The following EYA1 variants were observed in gnomAD, a reference collection of about 807,000 sequenced individuals.
EYA1 encodes protein phosphatase EYA1.
A neutral mutation model predicts 82.0 loss-of-function variants in EYA1; 16 were observed. The observed-to-expected ratio is 0.20, with a 90% CI of 0.13 to 0.30. The LOEUF (loss-of-function observed/expected upper bound fraction) is 0.30. Among genes scored for constraint, EYA1 ranks in the 10% least tolerant of loss-of-function variants. The pLI is 1.00. For synonymous variants in EYA1, 261 were observed against 264.4 expected (o/e 0.99, Z 0.12); for missense variants, 633 against 730.7 (o/e 0.87, Z 1.54).
chr8:71,353,097 A>G, intron 3 of EYA1, among the ~76,000 whole-genome samples: 1 of 152,222 alleles, frequency 6.6e-6, no homozygotes, highest in East Asian at 1.9e-4. Context: ...TTTTAAGTTA[A>G]TTTGAATGAC....
intron 17 of EYA1, among the ~76,000 whole-genome samples, chr8:71,210,667 G>C (rs1808393929): frequency 6.6e-6 from 1 of 152,242 alleles, no homozygotes; most frequent in African/African-American, 2.4e-5. Context: ...GAGAGAGACA[G>C]GTAGGACCTC....
chr8:71,281,797 G>C (rs753829341), intron 9 of EYA1, among the ~76,000 whole-genome samples: 4 of 152,174 alleles, frequency 2.6e-5, no homozygotes, highest in Non-Finnish European at 5.9e-5. Flanking sequence ...CACCAGTTTT[G>C]CAGCTGGTCC....
intron 7 of EYA1, among the ~76,000 whole-genome samples, chr8:71,308,716 T>TTA (rs1821000274): frequency 1.4e-5 from 2 of 144,294 alleles, no homozygotes; most frequent in Admixed American, 7.1e-5. Context: ...TTTTTTTTTT[T>TTA]AAGAAAAAAA....
At chr8:71,387,257 G>C (rs528599772) in intron 2 of EYA1, among the ~76,000 whole-genome samples, 2 of 152,310 alleles carry the variant, frequency 1.3e-5, no homozygotes, top group East Asian at 3.9e-4. Context: ...ACTCAGGTAA[G>C]CTGGGAATGA....
At chr8:71,228,680 C>T (rs1810845637) in intron 12 of EYA1, among the ~76,000 whole-genome samples, 1 of 152,150 alleles carries the variant, frequency 6.6e-6, no homozygotes, top group Non-Finnish European at 1.5e-5. Context: ...TCGATTCTTT[C>T]ATTCATTTTC....
At chr8:71,527,344 T>A (rs1813895733) in intron 2 of EYA1, among the ~76,000 whole-genome samples, 1 of 152,204 alleles carries the variant, frequency 6.6e-6, no homozygotes, top group Admixed American at 6.5e-5. Context: ...CTTTATTAAC[T>A]TCAGTTATCC....
chr8:71,540,129 T>TA (rs5892287), intron 1 of EYA1, among the ~76,000 whole-genome samples: 110,696 of 151,292 alleles, frequency 0.73, 41,833 homozygotes, highest in East Asian at 0.99. Context: ...GTACATAAAA[T>TA]AAAAAAAAAT....
At chr8:71,351,552 A>G (rs1826307165) in intron 3 of EYA1, among the ~76,000 whole-genome samples, 1 of 152,206 alleles carries the variant, frequency 6.6e-6, no homozygotes, top group African/African-American at 2.4e-5. Context: ...TGAAATATGA[A>G]ACATTCAAAC....
At chr8:71,444,269 A>C (rs1324183654) in intron 2 of EYA1, among the ~76,000 whole-genome samples, 1 of 152,234 alleles carries the variant, frequency 6.6e-6, no homozygotes, top group Non-Finnish European at 1.5e-5. Flanking sequence ...GATAAGTCAG[A>C]ATTGAATCTT....
intron 2 of EYA1, among the ~76,000 whole-genome samples, chr8:71,460,923 T>C (rs1214947356): frequency 6.6e-6 from 1 of 152,200 alleles, no homozygotes; most frequent in Non-Finnish European, 1.5e-5. Flanking sequence ...TTGAAGTCTT[T>C]GGCTAGAAAT....
At chr8:71,533,384 G>A (rs563398460) in intron 2 of EYA1, among the ~76,000 whole-genome samples, 3 of 152,146 alleles carry the variant, frequency 2.0e-5, no homozygotes, top group Non-Finnish European at 4.4e-5. Context: ...TGTTGAAGTG[G>A]GCACAGGGAT....
intron 2 of EYA1, among the ~76,000 whole-genome samples, chr8:71,473,138 A>C (rs1366301796): frequency 6.6e-6 from 1 of 151,942 alleles, no homozygotes; most frequent in Non-Finnish European, 1.5e-5. Context: ...ATTACAATGT[A>C]AATTGATTCA....
At chr8:71,469,647 A>G (rs1456795726) in intron 2 of EYA1, among the ~76,000 whole-genome samples, 1 of 152,070 alleles carries the variant, frequency 6.6e-6, no homozygotes, top group African/African-American at 2.4e-5. Context: ...ATCTTTTAGC[A>G]CATTTGGACT....
At chr8:71,251,628 A>T (rs1225840719) in intron 11 of EYA1, among the ~76,000 whole-genome samples, 2 of 152,218 alleles carry the variant, frequency 1.3e-5, no homozygotes, top group Non-Finnish European at 2.9e-5. Flanking sequence ...AATAATGATG[A>T]AATTGGCTGA....
chr8:71,285,563 C>T (rs139258731), intron 9 of EYA1, among the ~76,000 whole-genome samples: 46 of 152,232 alleles, frequency 3.0e-4, no homozygotes, highest in South Asian at 8.3e-4. Flanking sequence ...ACAGGCCTGC[C>T]TATTCATTAT....
At chr8:71,368,293 G>A (rs183938968) in intron 2 of EYA1, among the ~76,000 whole-genome samples, 4 of 152,132 alleles carry the variant, frequency 2.6e-5, no homozygotes, top group South Asian at 2.1e-4. Context: ...CAGAGCGCCC[G>A]TAGAGGAGCC....
At chr8:71,209,705 GATATTGTATCATTTATGGAA>G (rs1808268097) in intron 17 of EYA1, among the ~76,000 whole-genome samples, 1 of 152,182 alleles carries the variant, frequency 6.6e-6, no homozygotes, top group Admixed American at 6.5e-5. Context: ...GAAGGGCTGA[GATATTGTATCATTTATGGAA>G]ATATACATGG....
chr8:71,460,632 C>T (rs773486794), intron 2 of EYA1, among the ~76,000 whole-genome samples: 45 of 152,244 alleles, frequency 3.0e-4, no homozygotes, highest in African/African-American at 9.9e-4. Context: ...AACCACAATG[C>T]GAAGACAGGA....
intron 9 of EYA1, among the ~76,000 whole-genome samples, chr8:71,298,091 T>C (rs1368829908): frequency 6.6e-6 from 1 of 152,210 alleles, no homozygotes; most frequent in Admixed American, 6.5e-5. Flanking sequence ...AATATAATTC[T>C]ATAGTCAAAA....
Sources: allele counts gnomAD v4.1 joint callset (sites outside exome capture counted in the v4.1 genomes callset), GRCh38; gene constraint gnomAD v4.1.1; transcripts MANE v1.5; gene names NCBI Gene and HGNC (gene_info 2026-07-23, HGNC 2026-07-21).